PLCE1: variants seen among roughly 807,000 people sequenced by gnomAD.
PLCE1 encodes phospholipase C epsilon 1, also known as 1-phosphatidylinositol 4,5-bisphosphate phosphodiesterase epsilon-1.
PLCE1 carries 119 observed loss-of-function variants against 242.8 expected under a neutral mutation model. The ratio of observed to expected loss-of-function variants is 0.49; its 90% confidence interval spans 0.42 to 0.57. The LOEUF (loss-of-function observed/expected upper bound fraction) is 0.57. PLCE1 is among the 20% of genes least tolerant of loss of function. The probability of loss-of-function intolerance (pLI) is 0.00; values close to 1 mark genes in which losing one functional copy is unlikely to be tolerated. For synonymous variants in PLCE1, 945 were observed against 1,017.4 expected (o/e 0.93, Z 1.35); for missense variants, 2,441 against 2,788.8 (o/e 0.88, Z 2.81).
chr10:94,126,282 C>G (rs2046433909), intron 2 of PLCE1, among the ~76,000 whole-genome samples: 1 of 152,182 alleles, frequency 6.6e-6, no homozygotes, highest in Non-Finnish European at 1.5e-5. Context: ...CAACATTGAT[C>G]TATAGTTCTC....
At chr10:94,055,908 A>AAGG (rs2134872796) in intron 2 of PLCE1, among the ~76,000 whole-genome samples, 1 of 152,296 alleles carries the variant, frequency 6.6e-6, no homozygotes, top group East Asian at 1.9e-4. Context: ...AGAATTAAAT[A>AAGG]ACCATTCAAG....
At chr10:94,029,374 GA>G (rs1385205846) in intron 1 of PLCE1, among the ~76,000 whole-genome samples, 1 of 152,076 alleles carries the variant, frequency 6.6e-6, no homozygotes, top group Non-Finnish European at 1.5e-5. Flanking sequence ...GGTGTGCTTT[GA>G]ATTTTTAAAA....
At chr10:94,289,145 T>C (rs2052563675) in intron 22 of PLCE1, among the ~76,000 whole-genome samples, 1 of 152,136 alleles carries the variant, frequency 6.6e-6, no homozygotes. Flanking sequence ...GGTAGCCCTG[T>C]TCACTGAAAC....
chr10:94,050,225 A>G (rs2043725552), intron 2 of PLCE1, among the ~76,000 whole-genome samples: 1 of 152,192 alleles, frequency 6.6e-6, no homozygotes, highest in Non-Finnish European at 1.5e-5. Context: ...TCACAGTTCC[A>G]CATGGCTGCA....
At chr10:94,255,950 T>TCTCTCC (rs1346472757) in intron 11 of PLCE1, among the ~76,000 whole-genome samples, 4 of 117,092 alleles carry the variant, frequency 3.4e-5, no homozygotes, top group African/African-American at 9.5e-5. Flanking sequence ...TCTCTCTCTC[T>TCTCTCC]CTCTCTCCCC....
At chr10:94,123,535 C>T (rs931160776) in intron 2 of PLCE1, among the ~76,000 whole-genome samples, 7 of 152,346 alleles carry the variant, frequency 4.6e-5, no homozygotes, top group Admixed American at 3.9e-4. Context: ...AAACAGCAGC[C>T]TGCTACCAAA....
intron 4 of PLCE1, among the ~76,000 whole-genome samples, chr10:94,197,982 CAAAAAAAAA>C (rs3053181): frequency 5.1e-5 from 3 of 58,354 alleles, no homozygotes; most frequent in South Asian, 1.1e-3. Context: ...GACTCTGTCT[CAAAAAAAAA>C]AAAAAAAAAA....
chr10:94,197,982 CAAAAAAAAAAA>C (rs3053181), intron 4 of PLCE1, among the ~76,000 whole-genome samples: 4 of 58,348 alleles, frequency 6.9e-5, no homozygotes, highest in East Asian at 6.9e-4. Flanking sequence ...GACTCTGTCT[CAAAAAAAAAAA>C]AAAAAAAAAA....
chr10:94,270,846 T>A (rs2051702714), intron 18 of PLCE1, among the ~76,000 whole-genome samples: 1 of 152,072 alleles, frequency 6.6e-6, no homozygotes, highest in Non-Finnish European at 1.5e-5. Context: ...ATTTTTGTAT[T>A]TTTAGTAGAG....
intron 3 of PLCE1, among the ~76,000 whole-genome samples, chr10:94,152,328 G>A (rs190044485): frequency 1.2e-4 from 19 of 152,238 alleles, no homozygotes; most frequent in East Asian, 3.9e-4. Flanking sequence ...TAGATACATC[G>A]CATAGGTGGA....
At chr10:94,259,572 C>G (rs1564838141) in intron 13 of PLCE1, among the ~76,000 whole-genome samples, 1 of 152,172 alleles carries the variant, frequency 6.6e-6, no homozygotes, top group East Asian at 1.9e-4. Flanking sequence ...CATGAGCCAC[C>G]TCACCTGGCC....
intron 3 of PLCE1, among the ~76,000 whole-genome samples, chr10:94,169,987 AAGGGAAGAAAGAAGTCAAATTC>A (rs1444921456): frequency 1.3e-5 from 2 of 152,218 alleles, no homozygotes; most frequent in Admixed American, 6.5e-5. Context: ...GACAGAATAA[AAGGGAAGAAAGAAGTCAAATTC>A]AGGGATGATG....
In PLCE1 at chr10:94,328,183, C is replaced by G. The variant is rs1402904459; in HGVS notation, c.*240C>G. ...GGGACTGCCATTTTATAAATGTCAG[C>G]AGTTGGAAAAATCGTCACGAATTGA... On this transcript the variant is annotated 3_prime_UTR_variant, in exon 33 of 33. Coordinates refer to ENST00000371380, the MANE Select transcript of PLCE1 (RefSeq NM_016341.4). The G allele has an allele frequency of 3.4e-6, 1 of 297,154 alleles. No individual in the cohort carries two copies. 18.4% of individuals were successfully genotyped at this position (297,154 alleles called of 1,614,324 possible). A position where few individuals can be genotyped will look rare whatever the true frequency, so the allele number is the denominator to read the frequency against.
intron 3 of PLCE1, among the ~76,000 whole-genome samples, chr10:94,154,521 A>G (rs535877805): frequency 2.1e-4 from 32 of 152,328 alleles, no homozygotes; most frequent in African/African-American, 7.0e-4. Context: ...TGAAAAGGCA[A>G]CCTACAGAAT....
intron 2 of PLCE1, among the ~76,000 whole-genome samples, chr10:94,090,288 A>C (rs752977432): frequency 6.6e-6 from 1 of 152,232 alleles, no homozygotes; most frequent in Non-Finnish European, 1.5e-5. Context: ...AGCTATGAAG[A>C]CTACTCTTGA....
intron 2 of PLCE1, among the ~76,000 whole-genome samples, chr10:94,091,281 G>GA (rs1453237091): frequency 6.6e-6 from 1 of 152,088 alleles, no homozygotes; most frequent in African/African-American, 2.4e-5. Context: ...GTGCATGGTT[G>GA]AAAAAAATTC....
Position 94,298,720 on chromosome 10 carries a change from A to T in PLCE1, c.5458+51A>T. On this transcript the variant is annotated intron_variant, in intron 24 of 32. Coordinates refer to ENST00000371380, the MANE Select transcript of PLCE1 (RefSeq NM_016341.4). The surrounding 1 kb of genome is among the most constrained non-coding windows in gnomAD (Gnocchi z 5.2). ...CTCCTTTGCATCTTACATTTCAGTA[A>T]ATGCAGTTTGACAGCATTTTTTCAA... 1 of 1,594,778 alleles carries T rather than the reference A, an allele frequency of 6.3e-7. No homozygotes were observed. The highest frequency in any genetic ancestry group is 1.7e-5 in the Admixed American group (1 of 59,996).
intron 2 of PLCE1, among the ~76,000 whole-genome samples, chr10:94,043,843 A>G (rs1228407023): frequency 3.3e-5 from 5 of 152,322 alleles, no homozygotes; most frequent in African/African-American, 1.2e-4. Context: ...TGTGAGGAGA[A>G]TGCCATTATT....
rs576679810 is a variant in PLCE1, at chr10:94,118,076, T to G, written c.1207-14098T>G. Among the ~76,000 whole-genome samples, 283 of 152,328 alleles carry G rather than the reference T, an allele frequency of 1.9e-3. 2 individuals carry two copies. Among genetic ancestry groups the G allele is most frequent in the African/African-American group, 6.6e-3 (274 of 41,578 alleles). ...AAAATGTAAGTGCTAAAACCATATTTTTGGAATGTAAATTGGAAGGTTTTT... is the reference window on the plus strand; with the variant it reads ...AAAATGTAAGTGCTAAAACCATATTGTTGGAATGTAAATTGGAAGGTTTTT... On this transcript the variant is annotated intron_variant, in intron 2 of 32. Transcript: ENST00000371380.
Sources: allele counts gnomAD v4.1 joint callset (sites outside exome capture counted in the v4.1 genomes callset), GRCh38; gene constraint gnomAD v4.1.1; non-coding constraint Gnocchi (gnomAD v3.1); transcripts MANE v1.5; gene names NCBI Gene and HGNC (gene_info 2026-07-23, HGNC 2026-07-21).